Variants in RERE observed in about 807,000 individuals in gnomAD.
RERE encodes the protein arginine-glutamic acid dipeptide repeats protein.
A neutral mutation model predicts 146.1 loss-of-function variants in RERE; 40 were observed. The ratio of observed to expected loss-of-function variants is 0.27; its 90% CI spans 0.21 to 0.36. The LOEUF (loss-of-function observed/expected upper bound fraction) is 0.36. Ranked by LOEUF, RERE falls within the 10% of genes least tolerant of loss-of-function variation. RERE has a pLI of 1.00. For synonymous variants in RERE, 1,003 were observed against 866.0 expected (o/e 1.16, Z -2.78); for missense variants, 1,933 against 2,138.7 (o/e 0.90, Z 1.90).
chr1:8,417,025 T>TG (rs1343614739), intron 12 of RERE, among the ~76,000 whole-genome samples: 1 of 152,204 alleles, frequency 6.6e-6, no homozygotes. Context: ...TCTAATGTAC[T>TG]GGTATGTGGC....
intron 1 of RERE, among the ~76,000 whole-genome samples, chr1:8,780,636 G>T (rs1364908926): frequency 6.6e-6 from 1 of 152,188 alleles, no homozygotes; most frequent in Non-Finnish European, 1.5e-5. Flanking sequence ...GCTGGAAATA[G>T]AAAAAGTAGA....
intron 1 of RERE, among the ~76,000 whole-genome samples, chr1:8,781,509 G>A (rs1641165336): frequency 6.6e-6 from 1 of 150,446 alleles, no homozygotes; most frequent in South Asian, 2.1e-4. Flanking sequence ...GGGCAACAGG[G>A]TGAGACCCTG....
chr1:8,358,899 C>T lies in RERE; in HGVS notation c.3636G>A (p.Ala1212=), dbSNP rs759826702. The part of the protein sequence containing the change: ...AERAAKASSS[A]HEGRLSDPQL... ...GTGGGTCACTGAGGCGACCTTCATG[C>T]GCTGAGCTGGACGCCTTCTGCAGAA... The change falls in exon 20 of 23, where the codon GCG becomes GCA. Residue 1212 remains alanine (A), a synonymous_variant. Coordinates refer to ENST00000400908, the MANE Select transcript of RERE (RefSeq NM_001042681.2). The T allele has an allele frequency of 1.4e-5, 22 of 1,543,906 alleles. No individual in the cohort carries two copies. The highest frequency in any genetic ancestry group is 2.3e-5 in the East Asian group (1 of 44,040).
intron 4 of RERE, among the ~76,000 whole-genome samples, chr1:8,573,404 G>T (rs1646247391): frequency 1.0e-5 from 1 of 96,198 alleles, no homozygotes; most frequent in African/African-American, 3.4e-5. Flanking sequence ...AATGACACTA[G>T]ACTCTTTGAG....
chr1:8,753,431 C>T (rs1053764862), intron 1 of RERE: 1 of 152,008 alleles, frequency 6.6e-6, no homozygotes, highest in African/African-American at 2.4e-5. Flanking sequence ...AATCACTTAC[C>T]TATTTTGACA....
intron 7 of RERE, chr1:8,519,841 T>C (rs1570382122): frequency 6.6e-6 from 1 of 152,286 alleles, no homozygotes; most frequent in South Asian, 2.1e-4. Flanking sequence ...GTCACCATAA[T>C]GCAGAACTCA....
rs548664211 is a variant in RERE at position 8,386,512 on chromosome 1, G to A, written c.1285-20538C>T. On this transcript the variant is annotated intron_variant, in intron 12 of 22. Transcript: ENST00000400908. Reference sequence around the variant, plus strand: ...CAAGACAGAATCCCAAACAGCCAGAGAGCTTCCTTTCTGAAGGCAGTGAAC... The same window carrying A: ...CAAGACAGAATCCCAAACAGCCAGAAAGCTTCCTTTCTGAAGGCAGTGAAC... Among the ~76,000 whole-genome samples the A allele has an allele frequency of 4.9e-5, 6 of 121,638 alleles. No homozygotes were observed. In the East Asian group the frequency reaches 2.2e-3, roughly 45 times the overall value. The allele number at this position is 121,638 out of a possible 152,430, so 79.8% of individuals were successfully genotyped here.
chr1:8,400,325 C>T (rs1643207554), intron 12 of RERE, among the ~76,000 whole-genome samples: 1 of 151,596 alleles, frequency 6.6e-6, no homozygotes, highest in African/African-American at 2.4e-5. Flanking sequence ...ATGATCATAG[C>T]TCACTATAAC....
In RERE at chr1:8,402,733, C is replaced by G. The variant is rs189122678; in HGVS notation, c.1284+19994G>C. Among the ~76,000 whole-genome samples, 222 of 152,266 alleles carry G rather than the reference C, an allele frequency of 1.5e-3. 4 individuals are homozygous for G. The highest frequency in any genetic ancestry group is 5.0e-3 in the African/African-American group (208 of 41,538). On this transcript the variant is annotated intron_variant, in intron 12 of 22. Coordinates refer to ENST00000400908, the MANE Select transcript of RERE (RefSeq NM_001042681.2). ...GATCGTATTTATATGGTTTTGAGAT[C>G]AAGGTTAAACTTAGCCTTTTAAAAA...
intron 10 of RERE, among the ~76,000 whole-genome samples, chr1:8,477,054 A>T (rs770620998): frequency 7.9e-5 from 12 of 152,374 alleles, no homozygotes; most frequent in Non-Finnish European, 1.5e-4. Context: ...TTAGGGATTA[A>T]GGTTGTGCCT....
rs778147998 is a variant in RERE, at chr1:8,361,490, C to T, written c.2017G>A (p.Glu673Lys). The change falls in exon 18 of 23, where the codon GAG becomes AAG. Residue 673 changes from glutamate to lysine, a missense_variant and splice_region_variant. Glu to Lys is a moderately conservative substitution (Grantham distance 56). Around this residue, in one of 11 missense-constraint regions of RERE, gnomAD observed 1,255 missense variants for 1,153.8 expected, o/e 1.09. Transcript: ENST00000400908. ...GATGGCGAGTTGGGCCTGCTGATCT[C>T]CTGGAGTCAGAGAAGGGAAGGATGG... ...RTSSKKTKTQ[E>K]ISRPNSPSEG... The T allele has an allele frequency of 1.2e-5, 20 of 1,609,744 alleles. No individual in the cohort carries two copies. Among genetic ancestry groups the T allele is most frequent in the Non-Finnish European group, 1.6e-5 (19 of 1,179,958 alleles).
At chr1:8,366,886 G>A (rs1373903032) in intron 12 of RERE, among the ~76,000 whole-genome samples, 3 of 117,716 alleles carry the variant, frequency 2.5e-5, no homozygotes, top group African/African-American at 6.5e-5. Context: ...CCAAGATAAA[G>A]TCTCTTTACC....
chr1:8,607,978 G>C (rs568068239), intron 4 of RERE, among the ~76,000 whole-genome samples: 1 of 152,016 alleles, frequency 6.6e-6, no homozygotes, highest in Non-Finnish European at 1.5e-5. Context: ...CACCCACCTC[G>C]GCCTCCCAAA....
intron 1 of RERE, among the ~76,000 whole-genome samples, chr1:8,709,439 G>A (rs935850910): frequency 6.6e-6 from 1 of 152,020 alleles, no homozygotes; most frequent in Non-Finnish European, 1.5e-5. Flanking sequence ...TTTTTTTAGA[G>A]TATATGGTCC....
chr1:8,490,144 C>CGAGGTCAA (rs553312999), intron 10 of RERE, among the ~76,000 whole-genome samples: 1 of 151,620 alleles, frequency 6.6e-6, no homozygotes, highest in South Asian at 2.1e-4. Context: ...GGGCGGATCA[C>CGAGGTCAA]GAGGTCAAGA....
At position 8,416,436 on chromosome 1, in the gene RERE, A is replaced by G. The variant is rs916390112; in HGVS notation, c.1284+6291T>C. ...CCCGTCTCTACTAAAAACACAAAAA[A>G]TTAGCCAGGCGTGGTGGCGGGCGCC... is the stretch of plus-strand genomic sequence containing the variant. On this transcript the variant is annotated intron_variant, in intron 12 of 22. Coordinates refer to ENST00000400908, the MANE Select transcript of RERE (RefSeq NM_001042681.2). 2.0e-5 allele frequency among the ~76,000 whole-genome samples: 3 copies of G among 152,086 alleles called. No homozygotes were observed. In the East Asian group the frequency reaches 5.8e-4, roughly 29 times the overall value.
chr1:8,792,848 G>A (rs950415517), intron 1 of RERE, among the ~76,000 whole-genome samples: 2 of 151,960 alleles, frequency 1.3e-5, no homozygotes, highest in African/African-American at 2.4e-5. Context: ...TGTGAGGATC[G>A]GATAGCGGAA....
At chr1:8,559,994 G>A (rs532224208) in intron 4 of RERE, among the ~76,000 whole-genome samples, 11 of 152,330 alleles carry the variant, frequency 7.2e-5, no homozygotes, top group African/African-American at 2.4e-4. Flanking sequence ...AAGAGGGGTA[G>A]AGGAAAAATT....
intron 1 of RERE, among the ~76,000 whole-genome samples, chr1:8,761,789 G>A (rs1202999227): frequency 2.0e-5 from 3 of 152,050 alleles, no homozygotes; most frequent in African/African-American, 7.3e-5. Flanking sequence ...GGGCGTGGTG[G>A]TGCATGCCTG....
Sources: gnomAD v4.1 joint callset for allele counts (sites outside exome capture counted in the v4.1 genomes callset) on GRCh38, gnomAD v4.1.1 for gene constraint, gnomAD v4.1.1 regional missense constraint, MANE v1.5 for transcripts, NCBI Gene and HGNC (gene_info 2026-07-23, HGNC 2026-07-21) for gene names.